The following NKAIN1 variants were observed in gnomAD, a reference collection of about 807,000 sequenced individuals.
NKAIN1 encodes the protein sodium/potassium transporting ATPase interacting 1, also known as sodium/potassium-transporting ATPase subunit beta-1-interacting protein 1.
A neutral mutation model predicts 31.6 loss-of-function variants in NKAIN1; 13 were observed. The observed-to-expected ratio is 0.41, with a 90% CI of 0.27 to 0.65. The LOEUF (loss-of-function observed/expected upper bound fraction) is 0.65, where lower values mean the gene tolerates loss of function less well. Ranked by LOEUF, NKAIN1 falls within the 30% of genes least tolerant of loss-of-function variation. The pLI, the probability that NKAIN1 is intolerant of heterozygous loss-of-function variation, is 0.30. For synonymous variants in NKAIN1, 104 were observed against 109.0 expected, an observed-to-expected ratio of 0.95 and a Z score of 0.28; for missense variants, 193 against 262.2, an observed-to-expected ratio of 0.74 and a Z score of 1.82.
chr1:31,223,428 G>C (rs900844254), intron 1 of NKAIN1, among the ~76,000 whole-genome samples: 1 of 151,686 alleles, frequency 6.6e-6, no homozygotes, highest in Non-Finnish European at 1.5e-5. Flanking sequence ...ATTGACTGCT[G>C]GTACTGTTTG....
intron 1 of NKAIN1, among the ~76,000 whole-genome samples, chr1:31,220,045 T>C (rs1645550909): frequency 6.7e-6 from 1 of 149,392 alleles, no homozygotes; most frequent in African/African-American, 2.5e-5. Flanking sequence ...TTTGCTCTTG[T>C]TGCCCAGGCT....
intron 1 of NKAIN1, among the ~76,000 whole-genome samples, chr1:31,218,071 T>A (rs1645531518): frequency 7.5e-6 from 1 of 133,616 alleles, no homozygotes; most frequent in Non-Finnish European, 1.6e-5. Context: ...TTTCTTTCTT[T>A]TTTTTTTTTG....
intron 1 of NKAIN1, among the ~76,000 whole-genome samples, chr1:31,222,879 T>C (rs1263686236): frequency 2.0e-5 from 3 of 152,192 alleles, no homozygotes; most frequent in Non-Finnish European, 4.4e-5. Flanking sequence ...ACATGGGAGA[T>C]AGTATCCATA....
intron 1 of NKAIN1, among the ~76,000 whole-genome samples, chr1:31,209,609 A>G (rs1645451513): frequency 6.6e-6 from 1 of 151,996 alleles, no homozygotes; most frequent in African/African-American, 2.4e-5. Context: ...TCAGCCCAGG[A>G]GTTTGAGACC....
At chr1:31,225,403 C>T (rs1250695658) in intron 1 of NKAIN1, among the ~76,000 whole-genome samples, 14 of 119,024 alleles carry the variant, frequency 1.2e-4, no homozygotes, top group Admixed American at 8.1e-4. Context: ...GCCACAATCT[C>T]GGCTCACTGC....
intron 3 of NKAIN1, among the ~76,000 whole-genome samples, chr1:31,184,967 C>A (rs778521686): frequency 6.6e-6 from 1 of 152,170 alleles, no homozygotes; most frequent in Non-Finnish European, 1.5e-5. Flanking sequence ...TTTCTGGGCT[C>A]CCACATACTG....
intron 4 of NKAIN1, among the ~76,000 whole-genome samples, chr1:31,183,018 C>G (rs147151963): frequency 6.0e-4 from 91 of 151,654 alleles, no homozygotes; most frequent in African/African-American, 1.6e-3. Flanking sequence ...CAGACAGGGT[C>G]TCACTCTGTC....
intron 1 of NKAIN1, among the ~76,000 whole-genome samples, chr1:31,200,757 C>T (rs1645373898): frequency 6.6e-6 from 1 of 152,086 alleles, no homozygotes; most frequent in African/African-American, 2.4e-5. Flanking sequence ...GCCACTGTGC[C>T]CGGCCACATT....
At chr1:31,232,077 C>A (rs1206736193) in intron 1 of NKAIN1, among the ~76,000 whole-genome samples, 1 of 137,076 alleles carries the variant, frequency 7.3e-6, no homozygotes, top group Non-Finnish European at 1.6e-5. Flanking sequence ...CCATGCCCAG[C>A]TAAGTTTTTA....
At chr1:31,183,436 CTT>C (rs3046278) in intron 4 of NKAIN1, among the ~76,000 whole-genome samples, 185 of 106,592 alleles carry the variant, frequency 1.7e-3, no homozygotes, top group African/African-American at 9.7e-3. Context: ...TTCATTCCCT[CTT>C]TTTTTTTTTT....
intron 1 of NKAIN1, among the ~76,000 whole-genome samples, chr1:31,227,792 C>T (rs1312400131): frequency 6.6e-6 from 1 of 152,148 alleles, no homozygotes; most frequent in Non-Finnish European, 1.5e-5. Context: ...TGGCCCCGGG[C>T]CATCCTGCTC....
intron 1 of NKAIN1, among the ~76,000 whole-genome samples, chr1:31,197,453 G>A (rs981920368): frequency 1.3e-5 from 2 of 151,368 alleles, no homozygotes; most frequent in African/African-American, 2.4e-5. Context: ...TCACCATGTT[G>A]GTCAGGTTGG....
intron 1 of NKAIN1, among the ~76,000 whole-genome samples, chr1:31,213,565 T>C (rs1645487068): frequency 6.6e-6 from 1 of 152,184 alleles, no homozygotes; most frequent in African/African-American, 2.4e-5. Context: ...CTGCATTTCT[T>C]CTCCTAGGTA....
At chr1:31,192,247 C>T (rs536991468) in intron 1 of NKAIN1, among the ~76,000 whole-genome samples, 69 of 152,350 alleles carry the variant, frequency 4.5e-4, no homozygotes, top group Non-Finnish European at 8.5e-4. Context: ...CATCCTCACA[C>T]CCAACAATCA....
At chr1:31,236,129 C>T (rs1645690726) in intron 1 of NKAIN1, among the ~76,000 whole-genome samples, 2 of 152,092 alleles carry the variant, frequency 1.3e-5, no homozygotes, top group African/African-American at 2.4e-5. Context: ...GGCTCAGAGA[C>T]GGTAAGCAAC....
chr1:31,196,697 AAAATAAATAAATAAATAAAT>A (rs142670426), intron 1 of NKAIN1, among the ~76,000 whole-genome samples: 75,255 of 145,146 alleles, frequency 0.52, 22,631 homozygotes, highest in Middle Eastern at 0.74. Flanking sequence ...TTCCATCTCA[AAAATAAATAAATAAATAAAT>A]AAATAAATAA....
intron 2 of NKAIN1, 63 bp downstream of exon 2, chr1:31,187,987 A>G: frequency 1.3e-6 from 2 of 1,499,952 alleles, no homozygotes; most frequent in South Asian, 2.6e-5. Flanking sequence ...AGGAGCAGGG[A>G]GGGGTGGAGT....
Position 31,234,146 on chromosome 1 carries a change from G to A in NKAIN1, c.54+5348C>T, listed in dbSNP as rs189508599. Among the ~76,000 whole-genome samples the A allele has an allele frequency of 2.0e-5, 3 of 152,308 alleles. No homozygotes were observed. In the East Asian group the frequency reaches 5.8e-4, roughly 29 times the overall value. On this transcript the variant is annotated intron_variant, in intron 1 of 6. Transcript: ENST00000373736. The stretch of plus-strand genomic sequence containing the variant: ...GGCTTCAGTCTGTTCATTCACAAAA[G>A]GGAGTTGATCATCCCTGCCAACTCT...
chr1:31,197,560 TC>T (rs1443293269), intron 1 of NKAIN1, among the ~76,000 whole-genome samples: 6 of 143,582 alleles, frequency 4.2e-5, no homozygotes, highest in African/African-American at 1.3e-4. Flanking sequence ...TTTTTTTTTT[TC>T]CCTGAGATGG....
Sources: allele counts gnomAD v4.1 joint callset (sites outside exome capture counted in the v4.1 genomes callset), GRCh38; gene constraint gnomAD v4.1.1; transcripts MANE v1.5; gene names NCBI Gene and HGNC (gene_info 2026-07-23, HGNC 2026-07-21).